Variants in KLF13 observed in about 807,000 individuals in gnomAD.
KLF13 encodes Krueppel-like factor 13.
Under a neutral mutation model 16.7 loss-of-function variants are expected in KLF13, and 8 were observed. That is an observed-to-expected ratio of 0.48 (90% CI 0.28 to 0.87). The LOEUF is 0.87. KLF13 is among the 40% of genes least tolerant of loss of function. The pLI, the probability that KLF13 is intolerant of heterozygous loss-of-function variation, is 0.10. For missense variants in KLF13, 447 were observed against 452.2 expected, an observed-to-expected ratio of 0.99 and a Z score of 0.10; for synonymous variants, 245 against 208.4, an observed-to-expected ratio of 1.18 and a Z score of -1.51.
At chr15:31,335,403 G>A (rs141066279) in intron 1 of KLF13, among the ~76,000 whole-genome samples, 30 of 148,548 alleles carry the variant, frequency 2.0e-4, no homozygotes, top group Non-Finnish European at 4.1e-4. Flanking sequence ...GGCTGTGATC[G>A]CCATTTGCTG....
chr15:31,417,812 C>T (rs976235959), intron 1 of KLF13, among the ~76,000 whole-genome samples: 13 of 152,260 alleles, frequency 8.5e-5, no homozygotes, highest in African/African-American at 3.1e-4. Context: ...TCCCAAAATG[C>T]TGGGATTACA....
At chr15:31,394,089 T>C (rs2039917213) in intron 2 of KLF13, among the ~76,000 whole-genome samples, 2 of 151,846 alleles carry the variant, frequency 1.3e-5, no homozygotes, top group Admixed American at 1.3e-4. Context: ...CAAAGAGAGA[T>C]GCTGACAGCG....
At chr15:31,384,501 G>T (rs2039771237) in intron 1 of KLF13, among the ~76,000 whole-genome samples, 1 of 152,160 alleles carries the variant, frequency 6.6e-6, no homozygotes, top group South Asian at 2.1e-4. Flanking sequence ...GACAACAGAT[G>T]ACTTTTATTT....
At chr15:31,363,676 G>A (rs925482922) in intron 1 of KLF13, among the ~76,000 whole-genome samples, 1 of 151,910 alleles carries the variant, frequency 6.6e-6, no homozygotes, top group African/African-American at 2.4e-5. Flanking sequence ...AGTAGAGACG[G>A]GGTTTCACCA....
intron 1 of KLF13, among the ~76,000 whole-genome samples, chr15:31,410,304 A>G (rs886090880): frequency 1.3e-5 from 2 of 152,060 alleles, no homozygotes; most frequent in African/African-American, 4.8e-5. Flanking sequence ...TCAGCAACCC[A>G]AAAGACTGCA....
At chr15:31,411,235 A>G (rs566613403) in intron 1 of KLF13, among the ~76,000 whole-genome samples, 1 of 152,324 alleles carries the variant, frequency 6.6e-6, no homozygotes, top group South Asian at 2.1e-4. Flanking sequence ...ATAAATTAAC[A>G]TATTGAATCC....
intron 1 of KLF13, among the ~76,000 whole-genome samples, chr15:31,411,621 G>A (rs2040194969): frequency 6.7e-6 from 1 of 149,688 alleles, no homozygotes; most frequent in Admixed American, 6.7e-5. Context: ...TAGCCAGGAT[G>A]GTCTCCATGT....
chr15:31,350,768 T>C (rs912048450), intron 1 of KLF13, among the ~76,000 whole-genome samples: 3 of 152,202 alleles, frequency 2.0e-5, no homozygotes, highest in Non-Finnish European at 1.5e-5. Context: ...AGAAGGGCCT[T>C]AGAGGTGGCC....
At chr15:31,424,855 T>G (rs1316091747) in intron 1 of KLF13, among the ~76,000 whole-genome samples, 1 of 138,816 alleles carries the variant, frequency 7.2e-6, no homozygotes, top group Non-Finnish European at 1.5e-5. Context: ...TAATATTATA[T>G]GTAGAAAATT....
intron 1 of KLF13, among the ~76,000 whole-genome samples, chr15:31,330,397 A>G (rs1039803937): frequency 2.6e-5 from 4 of 152,206 alleles, no homozygotes; most frequent in African/African-American, 9.6e-5. Context: ...GAGGGTGAAT[A>G]TCACAACCAG....
chr15:31,347,580 G>C (rs2039144270), intron 1 of KLF13, among the ~76,000 whole-genome samples: 1 of 152,226 alleles, frequency 6.6e-6, no homozygotes, highest in Non-Finnish European at 1.5e-5. Flanking sequence ...TGAGGGACGA[G>C]GGCATCCTAT....
chr15:31,349,944 G>A (rs566485980), intron 1 of KLF13, among the ~76,000 whole-genome samples: 43 of 152,332 alleles, frequency 2.8e-4, no homozygotes, highest in South Asian at 2.1e-4. Context: ...TGTTCTTGGC[G>A]GAACCAAAAG....
At chr15:31,405,365 C>T (rs923485125), downstream of KLF13, among the ~76,000 whole-genome samples, 1 of 152,238 alleles carries the variant, frequency 6.6e-6, no homozygotes, top group African/African-American at 2.4e-5. Context: ...CCCCTCTCCT[C>T]TTCTGCCAGG....
intron 1 of KLF13, among the ~76,000 whole-genome samples, chr15:31,338,727 G>A (rs567023582): frequency 1.8e-4 from 27 of 152,226 alleles, no homozygotes; most frequent in African/African-American, 5.5e-4. Flanking sequence ...CAAACCAGGG[G>A]GGCCAGCAGC....
At chr15:31,395,844 G>C (rs556001489) in intron 2 of KLF13, among the ~76,000 whole-genome samples, 84 of 152,268 alleles carry the variant, frequency 5.5e-4, no homozygotes, top group African/African-American at 1.8e-3. Flanking sequence ...ATGTGGAATT[G>C]AGTTTCCCAA....
intron 1 of KLF13, among the ~76,000 whole-genome samples, chr15:31,342,507 C>G (rs1054451922): frequency 6.6e-6 from 1 of 152,238 alleles, no homozygotes; most frequent in Non-Finnish European, 1.5e-5. Flanking sequence ...CGCTTCATAA[C>G]AGCTCCTTCA....
upstream of KLF13, among the ~76,000 whole-genome samples, chr15:31,391,498 T>C (rs928073950): frequency 6.6e-6 from 1 of 151,588 alleles, no homozygotes; most frequent in African/African-American, 2.4e-5. Flanking sequence ...CGCCGCATTT[T>C]AACAATGGGG....
chr15:31,327,150 T>A lies in KLF13; in HGVS notation c.-63T>A, dbSNP rs2038723992. On this transcript the variant is annotated 5_prime_UTR_variant, in exon 1 of 2. Coordinates refer to ENST00000307145, the MANE Select transcript of KLF13 (RefSeq NM_015995.4). ...CCCCCCGCCCGCTCTCCCGAGGCCG[T>A]GGGTGCGGATGCGCGGCTGACGACT... is the stretch of plus-strand genomic sequence containing the variant. 1 of 1,020,866 alleles carries A rather than the reference T, an allele frequency of 9.8e-7. No individual in the cohort carries two copies. Among genetic ancestry groups the A allele is most frequent in the Non-Finnish European group, 1.2e-6 (1 of 836,370 alleles). The allele number at this position is 1,020,866 out of a possible 1,614,324, so 63.2% of individuals were successfully genotyped here.
At chr15:31,392,096 C>A (rs2039879980), upstream of KLF13, among the ~76,000 whole-genome samples, 1 of 152,028 alleles carries the variant, frequency 6.6e-6, no homozygotes, top group Non-Finnish European at 1.5e-5. Flanking sequence ...CGGTCTCCAT[C>A]CCCCTCGGAC....
Sources: gnomAD v4.1 joint callset for allele counts (sites outside exome capture counted in the v4.1 genomes callset) on GRCh38, gnomAD v4.1.1 for gene constraint, MANE v1.5 for transcripts, NCBI Gene and HGNC (gene_info 2026-07-23, HGNC 2026-07-21) for gene names.